The following TP63 variants were observed in gnomAD, a reference collection of about 807,000 sequenced individuals.
TP63 encodes tumor protein 63.
In TP63, 17 loss-of-function variants were observed where a neutral mutation model predicts 82.8. The observed-to-expected ratio is 0.21, with a 90% CI of 0.14 to 0.31. TP63 has a LOEUF of 0.31. Among genes scored for constraint, TP63 ranks in the 10% least tolerant of loss-of-function variants. The probability of loss-of-function intolerance (pLI) is 1.00; values close to 1 mark genes in which losing one functional copy is unlikely to be tolerated. For synonymous variants in TP63, 330 were observed against 321.7 expected (o/e 1.03, Z -0.28); for missense variants, 648 against 895.3 (o/e 0.72, Z 3.52).
chr3:189,620,487 C>G, the TP63 span, among the ~76,000 whole-genome samples: 1 of 121,416 alleles, frequency 8.2e-6, no homozygotes, highest in Admixed American at 1.2e-4. Context: ...TCCAGTGTGG[C>G]GACAGAGCAA....
chr3:189,843,282 G>A (rs1714393261), intron 4 of TP63, among the ~76,000 whole-genome samples: 1 of 148,018 alleles, frequency 6.8e-6, no homozygotes, highest in Non-Finnish European at 1.5e-5. Flanking sequence ...CACCTGCCAG[G>A]CCCAGTGGGC....
rs1361022533 is a variant in TP63 at position 189,651,088 on chromosome 3, G to A, written c.62+19511G>A. 2.0e-5 allele frequency among the ~76,000 whole-genome samples: 3 copies of A among 147,560 alleles called. 1 individual carries two copies. Among genetic ancestry groups the A allele is most frequent in the South Asian group, 2.2e-4 (1 of 4,538 alleles). On this transcript the variant is annotated intron_variant, in intron 1 of 13. Coordinates refer to ENST00000264731, the MANE Select transcript of TP63 (RefSeq NM_003722.5). ...GACTCTTGCTTTGCTTTAGCAAAGA[G>A]ACTGGCAGCATTTTGCCCTGCCCTA...
At chr3:189,784,556 T>C (rs1349131970) in intron 3 of TP63, among the ~76,000 whole-genome samples, 1 of 152,114 alleles carries the variant, frequency 6.6e-6, no homozygotes, top group African/African-American at 2.4e-5. Flanking sequence ...ATATGTAAAG[T>C]GCTTTGAGTA....
At chr3:189,631,308 A>G (rs1729443467), upstream of TP63, 1 of 1,385,048 alleles carries the variant, frequency 7.2e-7, no homozygotes, top group Admixed American at 2.7e-5. Flanking sequence ...GTTTTAGTCA[A>G]TTGATGAATC....
intron 1 of TP63, among the ~76,000 whole-genome samples, chr3:189,675,532 A>G (rs1421189074): frequency 6.6e-6 from 1 of 152,158 alleles, no homozygotes; most frequent in Non-Finnish European, 1.5e-5. Flanking sequence ...TATTAGACAT[A>G]TATAAGTCAC....
intron 1 of TP63, among the ~76,000 whole-genome samples, chr3:189,633,732 T>C (rs919642382): frequency 1.3e-5 from 2 of 152,090 alleles, no homozygotes; most frequent in African/African-American, 4.8e-5. Flanking sequence ...GCCTAATAAA[T>C]AATTTTAGGC....
the TP63 span, among the ~76,000 whole-genome samples, chr3:189,614,917 C>G: frequency 6.8e-4 from 104 of 152,248 alleles, no homozygotes; most frequent in African/African-American, 2.4e-3. Context: ...CAGCTACTTC[C>G]CACTCAAGGA....
At chr3:189,775,567 C>T (rs950467289) in intron 3 of TP63, among the ~76,000 whole-genome samples, 2 of 152,092 alleles carry the variant, frequency 1.3e-5, no homozygotes, top group Non-Finnish European at 2.9e-5. Flanking sequence ...TGTAAAGTAC[C>T]TTCTAATATA....
chr3:189,725,938 C>G (rs1308350947), intron 1 of TP63, among the ~76,000 whole-genome samples: 1 of 151,998 alleles, frequency 6.6e-6, no homozygotes, highest in Non-Finnish European at 1.5e-5. Context: ...ACCTGTAATC[C>G]CAGCTACTTG....
chr3:189,822,089 C>T (rs541303922), intron 4 of TP63, among the ~76,000 whole-genome samples: 7 of 152,266 alleles, frequency 4.6e-5, no homozygotes, highest in Middle Eastern at 6.8e-3. Context: ...GTCTCTAGAG[C>T]GGCTTCCTCA....
chr3:189,820,259 A>C (rs1728665742), intron 4 of TP63, among the ~76,000 whole-genome samples: 1 of 152,224 alleles, frequency 6.6e-6, no homozygotes, highest in Non-Finnish European at 1.5e-5. Flanking sequence ...CCTCAGAACC[A>C]CAAGGAACTA....
chr3:189,679,217 T>C (rs1413900547), intron 1 of TP63, among the ~76,000 whole-genome samples: 2 of 152,034 alleles, frequency 1.3e-5, no homozygotes, highest in African/African-American at 4.8e-5. Context: ...TTTATACTGG[T>C]TTTCATAATG....
chr3:189,761,101 A>C lies in TP63; in HGVS notation c.324+22327A>C, dbSNP rs1280453143. 1.3e-5 allele frequency among the ~76,000 whole-genome samples: 2 copies of C among 152,174 alleles called. 1 individual carries two copies. The highest frequency in any genetic ancestry group is 2.9e-5 in the Non-Finnish European group (2 of 68,034). Reference sequence around the variant, plus strand: ...CCTAAACCTCCAGGCCTGTGATGGGAGAGGTTGCCACATAGGTCTCTGACA... The same window carrying C: ...CCTAAACCTCCAGGCCTGTGATGGGCGAGGTTGCCACATAGGTCTCTGACA... On this transcript the variant is annotated intron_variant, in intron 3 of 13. Coordinates refer to ENST00000264731, the MANE Select transcript of TP63 (RefSeq NM_003722.5).
chr3:189,696,818 C>T (rs1717415071), intron 1 of TP63, among the ~76,000 whole-genome samples: 2 of 152,046 alleles, frequency 1.3e-5, no homozygotes, highest in African/African-American at 4.8e-5. Flanking sequence ...CTTCATATGC[C>T]TATTTGCCTT....
intron 1 of TP63, among the ~76,000 whole-genome samples, chr3:189,674,779 A>G (rs1364563308): frequency 1.3e-5 from 2 of 152,180 alleles, no homozygotes; most frequent in East Asian, 3.9e-4. Flanking sequence ...AATGTGTGGC[A>G]GATCTGAACT....
chr3:189,749,464 T>C (rs1032202472), intron 3 of TP63, among the ~76,000 whole-genome samples: 12 of 152,128 alleles, frequency 7.9e-5, no homozygotes, highest in Admixed American at 6.5e-5. Flanking sequence ...AATCATCAGG[T>C]AAATGCAAAT....
At chr3:189,856,700 G>C (rs1716334145) in intron 4 of TP63, among the ~76,000 whole-genome samples, 1 of 151,614 alleles carries the variant, frequency 6.6e-6, no homozygotes, top group South Asian at 2.1e-4. Context: ...GAATTAATTA[G>C]GTATAAATAC....
intron 4 of TP63, among the ~76,000 whole-genome samples, chr3:189,851,564 G>C (rs1457250076): frequency 3.3e-5 from 5 of 152,096 alleles, no homozygotes; most frequent in African/African-American, 9.7e-5. Flanking sequence ...GACAGAGCGA[G>C]ACTCTGCCTC....
At chr3:189,750,573 A>G (rs561637508) in intron 3 of TP63, among the ~76,000 whole-genome samples, 1 of 145,744 alleles carries the variant, frequency 6.9e-6, no homozygotes, top group Admixed American at 7.0e-5. Context: ...GTAACAAAAT[A>G]GCACATATAT....
Sources: gnomAD v4.1 joint callset for allele counts (sites outside exome capture counted in the v4.1 genomes callset) on GRCh38, gnomAD v4.1.1 for gene constraint, MANE v1.5 for transcripts, NCBI Gene and HGNC (gene_info 2026-07-23, HGNC 2026-07-21) for gene names.